Variants in IL1RAPL1 observed in about 807,000 individuals in gnomAD.
IL1RAPL1 encodes interleukin 1 receptor accessory protein like 1, also known as interleukin-1 receptor accessory protein-like 1.
In IL1RAPL1, 3 loss-of-function variants were observed where a neutral mutation model predicts 48.4. The ratio of observed to expected loss-of-function variants is 0.06; its 90% CI spans 0.03 to 0.16. The LOEUF (loss-of-function observed/expected upper bound fraction) is 0.16. Ranked by LOEUF, IL1RAPL1 falls within the 10% of genes least tolerant of loss-of-function variation. IL1RAPL1 has a pLI of 1.00. For synonymous variants in IL1RAPL1, 185 were observed against 187.7 expected (o/e 0.99, Z 0.12); for missense variants, 349 against 530.6 (o/e 0.66, Z 3.36).
At chrX:29,448,358 C>CAA (rs1934635875) in intron 5 of IL1RAPL1, among the ~76,000 whole-genome samples, 1 of 111,609 alleles carries the variant, frequency 9.0e-6, no homozygotes, top group African/African-American at 3.3e-5. Flanking sequence ...GACCTTCTTC[C>CAA]TAGGCAAACA....
At chrX:29,104,173 C>T (rs772747459) in intron 2 of IL1RAPL1, among the ~76,000 whole-genome samples, 1 of 112,215 alleles carries the variant, frequency 8.9e-6, no homozygotes, top group South Asian at 3.7e-4. Context: ...TCTGCACTCT[C>T]GTGTTTGATT....
chrX:29,492,137 C>T (rs1935165201), intron 5 of IL1RAPL1, among the ~76,000 whole-genome samples: 1 of 112,016 alleles, frequency 8.9e-6, no homozygotes, highest in Admixed American at 9.5e-5. Context: ...TTAAATAAAA[C>T]TATCACCTAG....
chrX:28,679,294 T>A (rs1203641509), intron 1 of IL1RAPL1, among the ~76,000 whole-genome samples: 1 of 111,940 alleles, frequency 8.9e-6, no homozygotes, highest in Non-Finnish European at 1.9e-5. Flanking sequence ...TTTATTCGGG[T>A]TTTTTTTCCA....
intron 3 of IL1RAPL1, among the ~76,000 whole-genome samples, chrX:29,289,244 A>G (rs1489492241): frequency 8.9e-6 from 1 of 112,059 alleles, no homozygotes; most frequent in Non-Finnish European, 1.9e-5. Context: ...TTTTGAATTA[A>G]TATTTATTTC....
chrX:29,589,115 C>A (rs552818065), intron 5 of IL1RAPL1, among the ~76,000 whole-genome samples: 7 of 111,657 alleles, frequency 6.3e-5, no homozygotes, highest in Non-Finnish European at 1.3e-4. Flanking sequence ...TTTGGAAGAA[C>A]CTTAATTAAA....
chrX:28,832,058 G>A (rs990418129), intron 2 of IL1RAPL1, among the ~76,000 whole-genome samples: 12 of 111,038 alleles, frequency 1.1e-4, no homozygotes, highest in Non-Finnish European at 1.5e-4. Context: ...GATCGTCAGC[G>A]TAATTAGCAA....
intron 2 of IL1RAPL1, among the ~76,000 whole-genome samples, chrX:28,960,856 A>G (rs947273616): frequency 7.3e-5 from 8 of 108,855 alleles, no homozygotes; most frequent in Non-Finnish European, 1.5e-4. Context: ...AAAAAATACA[A>G]AAAATTAGCC....
intron 2 of IL1RAPL1, among the ~76,000 whole-genome samples, chrX:28,955,497 G>T (rs867524821): frequency 1.4e-4 from 15 of 109,060 alleles, no homozygotes; most frequent in Middle Eastern, 4.7e-3. Context: ...TTTCTACATA[G>T]GGCTAGCCAG....
intron 1 of IL1RAPL1, among the ~76,000 whole-genome samples, chrX:28,590,733 C>T (rs900309466): frequency 2.7e-5 from 3 of 111,594 alleles, no homozygotes; most frequent in Non-Finnish European, 5.6e-5. Flanking sequence ...ATGACTTCCT[C>T]AGTTGTTTTC....
At chrX:29,308,945 C>T (rs2147616983) in intron 3 of IL1RAPL1, among the ~76,000 whole-genome samples, 1 of 111,848 alleles carries the variant, frequency 8.9e-6, no homozygotes, top group East Asian at 2.8e-4. Context: ...TCAGGAAGTC[C>T]CCCATTGAAA....
At chrX:28,907,026 C>T (rs2147329681) in intron 2 of IL1RAPL1, among the ~76,000 whole-genome samples, 1 of 110,859 alleles carries the variant, frequency 9.0e-6, no homozygotes, top group South Asian at 3.8e-4. Flanking sequence ...GGAAAAGTAA[C>T]CAGGTTTTTT....
chrX:28,994,652 T>C (rs1223407155), intron 2 of IL1RAPL1, among the ~76,000 whole-genome samples: 1 of 111,770 alleles, frequency 8.9e-6, no homozygotes, highest in Non-Finnish European at 1.9e-5. Context: ...GGAATTGATA[T>C]ACAGGAATAA....
At chrX:28,810,146 G>C (rs964585388) in intron 2 of IL1RAPL1, among the ~76,000 whole-genome samples, 1 of 110,296 alleles carries the variant, frequency 9.1e-6, no homozygotes, top group African/African-American at 3.3e-5. Context: ...TTGTCAAGGA[G>C]TCTGCAGGCA....
At chrX:28,847,082 T>C (rs1222043057) in intron 2 of IL1RAPL1, among the ~76,000 whole-genome samples, 1 of 111,546 alleles carries the variant, frequency 9.0e-6, no homozygotes, top group Non-Finnish European at 1.9e-5. Flanking sequence ...CCAAACAAAT[T>C]CCTTACTTTT....
chrX:28,669,647 TTA>T (rs1418687077), intron 1 of IL1RAPL1, among the ~76,000 whole-genome samples: 1 of 103,068 alleles, frequency 9.7e-6, no homozygotes, highest in Non-Finnish European at 1.9e-5. Flanking sequence ...TATATATAAC[TTA>T]TATATATAAA....
chrX:28,905,351 G>C (rs754269693), intron 2 of IL1RAPL1, among the ~76,000 whole-genome samples: 1 of 111,748 alleles, frequency 8.9e-6, no homozygotes, highest in East Asian at 2.8e-4. Flanking sequence ...GTGAATTTGT[G>C]AATGTATTAT....
intron 2 of IL1RAPL1, among the ~76,000 whole-genome samples, chrX:29,178,482 A>T (rs1222735508): frequency 8.9e-6 from 1 of 111,773 alleles, no homozygotes; most frequent in South Asian, 3.7e-4. Flanking sequence ...TTCTTTATAG[A>T]TTCTAGATAT....
intron 5 of IL1RAPL1, among the ~76,000 whole-genome samples, chrX:29,529,663 T>C (rs998002557): frequency 9.1e-6 from 1 of 109,653 alleles, no homozygotes; most frequent in African/African-American, 3.3e-5. Context: ...TAGTGTTAGA[T>C]TTCCTGAGTT....
intron 2 of IL1RAPL1, among the ~76,000 whole-genome samples, chrX:29,138,532 C>T (rs1471063539): frequency 9.1e-6 from 1 of 110,274 alleles, no homozygotes; most frequent in Non-Finnish European, 1.9e-5. Context: ...CTTTGGGAGG[C>T]CGAGGTGGGT....
Sources: allele counts gnomAD v4.1 joint callset (sites outside exome capture counted in the v4.1 genomes callset), GRCh38; gene constraint gnomAD v4.1.1; transcripts MANE v1.5; gene names NCBI Gene and HGNC (gene_info 2026-07-23, HGNC 2026-07-21).